CADPS: variants seen among roughly 807,000 people sequenced by gnomAD.
The protein encoded by CADPS is calcium-dependent secretion activator 1.
A neutral mutation model predicts 167.3 loss-of-function variants in CADPS; 57 were observed. The observed-to-expected ratio is 0.34, with a 90% confidence interval of 0.28 to 0.42. The LOEUF is 0.42. Among genes scored for constraint, CADPS ranks in the 20% least tolerant of loss-of-function variants. CADPS has a pLI of 1.00. For missense variants in CADPS, 1,414 were observed against 1,738.1 expected, an observed-to-expected ratio of 0.81 and a Z score of 3.32; for synonymous variants, 676 against 635.3, an observed-to-expected ratio of 1.06 and a Z score of -0.96.
intron 26 of CADPS, among the ~76,000 whole-genome samples, chr3:62,456,763 T>TAAAAAAAA (rs11368866): frequency 7.7e-6 from 1 of 129,288 alleles, no homozygotes; most frequent in African/African-American, 2.8e-5. Flanking sequence ...TATCACTGTC[T>TAAAAAAAA]AAAAAAAAAA....
chr3:62,712,240 T>C (rs1190980839), intron 3 of CADPS, among the ~76,000 whole-genome samples: 1 of 152,194 alleles, frequency 6.6e-6, no homozygotes, highest in East Asian at 1.9e-4. Context: ...TTGGGTCAAA[T>C]GGTATTTTTT....
chr3:62,626,147 TTC>T lies in CADPS; in HGVS notation c.1325+19573_1325+19574del, dbSNP rs1272623338. The T allele has an allele frequency of 3.0e-5, 5 of 167,042 alleles. No individual in the cohort carries two copies. The East Asian group carries it at 8.1e-4, about 27-fold the overall frequency. The allele number at this position is 167,042 out of a possible 1,614,324, so 10.3% of individuals were successfully genotyped here. A position where few individuals can be genotyped will look rare whatever the true frequency, so the allele number is the denominator to read the frequency against. On this transcript the variant is annotated intron_variant, in intron 6 of 29. Transcript: ENST00000383710. ...GAAAAGTGAGAGCCTCTGTTAAATG[TTC>T]TCTTCCCCTGAAGCTTTCATTGGTA...
chr3:62,655,487 C>A (rs891767802), intron 4 of CADPS, among the ~76,000 whole-genome samples: 1 of 152,130 alleles, frequency 6.6e-6, no homozygotes, highest in African/African-American at 2.4e-5. Context: ...GTGGAGACAG[C>A]CTCCCAAGGA....
At chr3:62,717,096 A>T (rs2084817482) in intron 3 of CADPS, among the ~76,000 whole-genome samples, 2 of 152,180 alleles carry the variant, frequency 1.3e-5, no homozygotes, top group African/African-American at 4.8e-5. Context: ...ATTTTCCTCT[A>T]TATGCAAATA....
intron 1 of CADPS, among the ~76,000 whole-genome samples, chr3:62,815,391 AT>A (rs1418598504): frequency 1.3e-5 from 2 of 151,978 alleles, no homozygotes; most frequent in African/African-American, 2.4e-5. Flanking sequence ...GGAAAAATTA[AT>A]CTATGGTCCG....
At chr3:62,843,492 G>GGGGTGTGTGTGTGTGT (rs535022785) in intron 1 of CADPS, among the ~76,000 whole-genome samples, 3 of 149,016 alleles carry the variant, frequency 2.0e-5, no homozygotes, top group Non-Finnish European at 3.0e-5. Context: ...TGGCAGTTGG[G>GGGGTGTGTGTGTGTGT]GTGTGTGTGT....
chr3:62,689,660 G>C (rs1194389754), intron 3 of CADPS, among the ~76,000 whole-genome samples: 1 of 152,054 alleles, frequency 6.6e-6, no homozygotes, highest in Non-Finnish European at 1.5e-5. Context: ...AAATGTACCT[G>C]ACATTATAGA....
chr3:62,681,981 G>A (rs981149689), intron 3 of CADPS, among the ~76,000 whole-genome samples: 9 of 152,084 alleles, frequency 5.9e-5, no homozygotes, highest in Non-Finnish European at 1.3e-4. Flanking sequence ...GAGACATTGT[G>A]TCTGTATCTG....
chr3:62,856,757 G>A (rs1201565595), intron 1 of CADPS, among the ~76,000 whole-genome samples: 2 of 151,556 alleles, frequency 1.3e-5, no homozygotes, highest in South Asian at 2.1e-4. Flanking sequence ...CAACTAGAGA[G>A]CAAATAGATT....
At chr3:62,561,011 A>G (rs987583896) in intron 9 of CADPS, among the ~76,000 whole-genome samples, 7 of 145,240 alleles carry the variant, frequency 4.8e-5, no homozygotes, top group Non-Finnish European at 8.9e-5. Context: ...ATGGGAAGGC[A>G]GAGGTTGCAG....
intron 21 of CADPS, among the ~76,000 whole-genome samples, chr3:62,487,397 A>T (rs1158484645): frequency 6.6e-6 from 1 of 152,200 alleles, no homozygotes; most frequent in East Asian, 1.9e-4. Context: ...CAGCTGCCAG[A>T]AGGATTGTGG....
At chr3:62,638,395 A>C (rs1157367134) in intron 6 of CADPS, among the ~76,000 whole-genome samples, 4 of 152,142 alleles carry the variant, frequency 2.6e-5, no homozygotes, top group Non-Finnish European at 4.4e-5. Flanking sequence ...GTGGCTTTTC[A>C]CATTTGGAGA....
At chr3:62,428,081 T>G (rs1025825721) in intron 28 of CADPS, among the ~76,000 whole-genome samples, 4 of 152,154 alleles carry the variant, frequency 2.6e-5, no homozygotes, top group African/African-American at 9.7e-5. Context: ...ATTGTAAGCC[T>G]TTTGATACAG....
In CADPS at chr3:62,458,246, T is replaced by G. The variant is rs1010876373; in HGVS notation, c.3636+7121A>C. Among the ~76,000 whole-genome samples, 1 of 152,288 alleles carries G rather than the reference T, an allele frequency of 6.6e-6. No individual in the cohort carries two copies. The highest frequency in any genetic ancestry group is 6.5e-5 in the Admixed American group (1 of 15,294). On this transcript the variant is annotated intron_variant, in intron 26 of 29. Coordinates refer to ENST00000383710, the MANE Select transcript of CADPS (RefSeq NM_003716.4). The surrounding 1 kb of genome is among the most constrained non-coding windows in gnomAD (Gnocchi z 4.6). ...ATCTCTTATTAGCCCAGTGGCTCTC[T>G]GAGGCAGCTATCAGCATTCCCACTG...
At chr3:62,491,255 C>A in intron 21 of CADPS, 84 bp downstream of exon 21, 2 of 1,351,224 alleles carry the variant, frequency 1.5e-6, no homozygotes, top group Admixed American at 1.9e-5. Context: ...CAGTGAAACC[C>A]ATATGACATC....
Position 62,415,495 on chromosome 3 carries a change from T to C in CADPS, c.3778-12310A>G, listed in dbSNP as rs977989378. ...TGTAGCCCCCACCCCCCCAACTCCT[T>C]AATGCACCTGAAGAAGCCGGCAACT... On this transcript the variant is annotated intron_variant, in intron 28 of 29. Transcript: ENST00000383710. Among the ~76,000 whole-genome samples, 7 of 148,920 alleles carry C rather than the reference T, an allele frequency of 4.7e-5. 1 individual carries two copies. Among genetic ancestry groups the C allele is most frequent in the Admixed American group, 2.7e-4 (4 of 15,044 alleles).
At chr3:62,658,162 T>C (rs933152945) in intron 4 of CADPS, among the ~76,000 whole-genome samples, 2 of 152,134 alleles carry the variant, frequency 1.3e-5, no homozygotes, top group African/African-American at 4.8e-5. Flanking sequence ...GACAACTCAG[T>C]TTTCTGCATA....
Position 62,412,183 on chromosome 3 carries a change from G to C in CADPS, c.3778-8998C>G. ...TTTTTTTAACGTCCGTAATTCTTTG[G>C]ATACCTGAAAACCCATGCCACTGAA... On this transcript the variant is annotated intron_variant, in intron 28 of 29. Coordinates refer to ENST00000383710, the MANE Select transcript of CADPS (RefSeq NM_003716.4). The surrounding 1 kb of genome is among the most constrained non-coding windows in gnomAD (Gnocchi z 4.1). 6.9e-6 allele frequency among the ~76,000 whole-genome samples: 1 copy of C among 143,938 alleles called. No individual in the cohort carries two copies. Among genetic ancestry groups the C allele is most frequent in the African/African-American group, 2.5e-5 (1 of 39,450 alleles). 94.4% of individuals were successfully genotyped at this position (143,938 alleles called of 152,430 possible).
chr3:62,666,485 A>G (rs1174709130), intron 3 of CADPS, among the ~76,000 whole-genome samples: 3 of 152,196 alleles, frequency 2.0e-5, no homozygotes, highest in Non-Finnish European at 4.4e-5. Flanking sequence ...AGGAAAGGAA[A>G]GATCAGCTGG....
Sources: gnomAD v4.1 joint callset for allele counts (sites outside exome capture counted in the v4.1 genomes callset) on GRCh38, gnomAD v4.1.1 for gene constraint, Gnocchi (gnomAD v3.1) non-coding constraint, MANE v1.5 for transcripts, NCBI Gene and HGNC (gene_info 2026-07-23, HGNC 2026-07-21) for gene names.